Variants in MARCHF1 observed in about 807,000 individuals in gnomAD.
MARCHF1 encodes the protein E3 ubiquitin-protein ligase MARCHF1.
Under a neutral mutation model 54.2 loss-of-function variants are expected in MARCHF1, and 40 were observed. The ratio of observed to expected loss-of-function variants is 0.74; its 90% CI spans 0.57 to 0.96. The LOEUF is 0.96. Ranked by LOEUF, MARCHF1 falls within the 40% of genes least tolerant of loss-of-function variation. MARCHF1 has a pLI of 0.00. For missense variants in MARCHF1, 586 were observed against 656.5 expected (o/e 0.89, Z 1.17); for synonymous variants, 236 against 236.3 (o/e 1.00, Z 0.01).
chr4:163,551,998 G>C (rs147053780), intron 8 of MARCHF1, among the ~76,000 whole-genome samples: 2 of 152,198 alleles, frequency 1.3e-5, no homozygotes, highest in African/African-American at 2.4e-5. Flanking sequence ...GTACATGAAG[G>C]CTTTCTTACT....
At chr4:164,280,987 T>C (rs1734011139) in intron 1 of MARCHF1, among the ~76,000 whole-genome samples, 1 of 152,188 alleles carries the variant, frequency 6.6e-6, no homozygotes, top group African/African-American at 2.4e-5. Context: ...CTGAATGGAA[T>C]GTCTTCTAAT....
At chr4:163,684,577 A>C (rs1046894786) in intron 5 of MARCHF1, among the ~76,000 whole-genome samples, 4 of 152,238 alleles carry the variant, frequency 2.6e-5, no homozygotes, top group African/African-American at 9.6e-5. Context: ...ATTTTATCTG[A>C]TAACTCCTAT....
chr4:164,008,095 T>A (rs1314358853), intron 2 of MARCHF1, among the ~76,000 whole-genome samples: 1 of 152,140 alleles, frequency 6.6e-6, no homozygotes, highest in East Asian at 1.9e-4. Flanking sequence ...GAAACACACT[T>A]TACCTATAAA....
intron 1 of MARCHF1, among the ~76,000 whole-genome samples, chr4:164,316,054 C>G (rs568030431): frequency 6.6e-6 from 1 of 152,012 alleles, no homozygotes; most frequent in Admixed American, 6.6e-5. Context: ...ATACTCCTCT[C>G]AATGGGTTAT....
In MARCHF1 at chr4:163,667,135, T is replaced by A. The variant is rs561979706; in HGVS notation, c.162+33678A>T. Among the ~76,000 whole-genome samples, 6 of 152,246 alleles carry A rather than the reference T, an allele frequency of 3.9e-5. No individual in the cohort carries two copies. The South Asian group carries it at 1.0e-3, about 26-fold the overall frequency. ...GCAGACATTCTGATAAGGCACATCA[T>A]GAAGTTCTTTTTTTAAAAAAAAATT... is the stretch of plus-strand genomic sequence containing the variant. On this transcript the variant is annotated intron_variant, in intron 5 of 9. Transcript: ENST00000514618.
intron 7 of MARCHF1, among the ~76,000 whole-genome samples, chr4:163,611,060 T>C (rs28652665): frequency 0.027 from 4,183 of 152,174 alleles, 182 homozygotes; most frequent in African/African-American, 0.094. Context: ...CCATGTGCTT[T>C]CATAGTTCTT....
At chr4:163,987,721 G>A (rs906196585) in intron 3 of MARCHF1, among the ~76,000 whole-genome samples, 1 of 152,138 alleles carries the variant, frequency 6.6e-6, no homozygotes, top group Admixed American at 6.5e-5. Flanking sequence ...AGGGGAACAC[G>A]ACAACATTTA....
intron 5 of MARCHF1, among the ~76,000 whole-genome samples, chr4:163,696,156 A>G (rs537291455): frequency 5.9e-5 from 9 of 152,328 alleles, no homozygotes; most frequent in African/African-American, 1.9e-4. Flanking sequence ...CTAGAAATAT[A>G]AATTAATAAA....
intron 5 of MARCHF1, among the ~76,000 whole-genome samples, chr4:163,662,433 G>A (rs925092429): frequency 7.2e-5 from 11 of 151,796 alleles, no homozygotes; most frequent in African/African-American, 2.7e-4. Flanking sequence ...CTTTCTGGAA[G>A]TTTTCTTTTC....
At chr4:164,226,364 G>T (rs1047036368) in intron 1 of MARCHF1, among the ~76,000 whole-genome samples, 2 of 151,884 alleles carry the variant, frequency 1.3e-5, no homozygotes, top group African/African-American at 4.8e-5. Flanking sequence ...GTCGTTGGAG[G>T]GGATTGTTTA....
intron 3 of MARCHF1, among the ~76,000 whole-genome samples, chr4:163,893,023 T>A (rs147615245): frequency 6.6e-6 from 1 of 151,808 alleles, no homozygotes; most frequent in Non-Finnish European, 1.5e-5. Context: ...ACGGATCTTT[T>A]ATAAAGCACA....
intron 2 of MARCHF1, among the ~76,000 whole-genome samples, chr4:164,009,425 T>C (rs781327701): frequency 9.9e-5 from 15 of 152,062 alleles, no homozygotes; most frequent in Non-Finnish European, 1.3e-4. Context: ...GAGGAGGAAA[T>C]ACTTCTAAGC....
intron 3 of MARCHF1, among the ~76,000 whole-genome samples, chr4:163,863,934 G>A (rs1274446649): frequency 6.6e-6 from 1 of 151,930 alleles, no homozygotes; most frequent in Non-Finnish European, 1.5e-5. Flanking sequence ...AATGACCAAA[G>A]CTGACACAAT....
chr4:164,301,327 A>G (rs1734555521), intron 1 of MARCHF1, among the ~76,000 whole-genome samples: 2 of 152,342 alleles, frequency 1.3e-5, no homozygotes, highest in African/African-American at 4.8e-5. Flanking sequence ...GAAATTGACA[A>G]ATGAAGAAAA....
At chr4:164,225,923 T>G (rs1227467534) in intron 1 of MARCHF1, among the ~76,000 whole-genome samples, 1 of 152,106 alleles carries the variant, frequency 6.6e-6, no homozygotes, top group East Asian at 1.9e-4. Flanking sequence ...TCTTAACCTA[T>G]GCAAATTTCA....
intron 1 of MARCHF1, among the ~76,000 whole-genome samples, chr4:164,351,439 A>G (rs1355995210): frequency 1.3e-5 from 2 of 150,810 alleles, no homozygotes; most frequent in South Asian, 2.1e-4. Flanking sequence ...TGCCTCCTCA[A>G]GTGGGTCCCT....
At chr4:163,881,873 T>C (rs1192952306) in intron 3 of MARCHF1, among the ~76,000 whole-genome samples, 1 of 152,170 alleles carries the variant, frequency 6.6e-6, no homozygotes, top group Admixed American at 6.5e-5. Flanking sequence ...GCAGACACGG[T>C]AGTCTAATGT....
chr4:163,823,263 C>T (rs1748749476), intron 4 of MARCHF1, among the ~76,000 whole-genome samples: 1 of 151,548 alleles, frequency 6.6e-6, no homozygotes, highest in Non-Finnish European at 1.5e-5. Flanking sequence ...CACAGCTACC[C>T]CAGTAAGGAA....
intron 3 of MARCHF1, among the ~76,000 whole-genome samples, chr4:163,913,984 GA>G (rs1221900950): frequency 6.1e-5 from 4 of 65,414 alleles, no homozygotes; most frequent in African/African-American, 1.8e-4. Context: ...ACAGCACGGG[GA>G]TCTCTATTCT....
Sources: gnomAD v4.1 joint callset for allele counts (sites outside exome capture counted in the v4.1 genomes callset) on GRCh38, gnomAD v4.1.1 for gene constraint, MANE v1.5 for transcripts, NCBI Gene and HGNC (gene_info 2026-07-23, HGNC 2026-07-21) for gene names.